FAM222A: variants seen among roughly 807,000 people sequenced by gnomAD.
FAM222A encodes protein FAM222A.
A neutral mutation model predicts 25.8 loss-of-function variants in FAM222A; 7 were observed. That is an observed-to-expected ratio of 0.27 (90% CI 0.15 to 0.51). The LOEUF is 0.51. FAM222A is among the 20% of genes least tolerant of loss of function. The probability of loss-of-function intolerance (pLI) is 0.97; values close to 1 mark genes in which losing one functional copy is unlikely to be tolerated. For synonymous variants in FAM222A, 294 were observed against 298.8 expected (o/e 0.98, Z 0.17); for missense variants, 573 against 640.5 (o/e 0.89, Z 1.14).
chr12:109,751,116 T>G (rs1381313317), intron 2 of FAM222A, among the ~76,000 whole-genome samples: 1 of 152,200 alleles, frequency 6.6e-6, no homozygotes, highest in Non-Finnish European at 1.5e-5. Flanking sequence ...TTTTTCTGAT[T>G]AGACCTTTCT....
chr12:109,753,671 A>G (rs1195066239), intron 2 of FAM222A, among the ~76,000 whole-genome samples: 1 of 152,046 alleles, frequency 6.6e-6, no homozygotes, highest in Non-Finnish European at 1.5e-5. Context: ...GTCCAAGAGG[A>G]TCAGGGAGCA....
chr12:109,768,833 G>C lies in FAM222A; in HGVS notation c.904G>C (p.Ala302Pro). Residue 302 changes from alanine (A) to proline (P), a missense_variant, in exon 3 of 3, where the codon GCC becomes CCC. Around this residue, in one of 3 missense-constraint regions of FAM222A, gnomAD observed 412 missense variants for 407.0 expected, o/e 1.01. Coordinates refer to ENST00000538780, the MANE Select transcript of FAM222A (RefSeq NM_032829.3). ...CCCACCGCCGCCCCAGCCACTGCGT[G>C]CCTACAGTGGGAGCACGGTGGCCAG... is the stretch of plus-strand genomic sequence containing the variant. ...PPPPPPQPLR[A>P]YSGSTVASKS... The C allele has an allele frequency of 6.3e-7, 1 of 1,579,750 alleles. No individual in the cohort carries two copies. The highest frequency in any genetic ancestry group is 8.5e-7 in the Non-Finnish European group (1 of 1,169,660).
intron 2 of FAM222A, among the ~76,000 whole-genome samples, chr12:109,755,002 T>C (rs963941400): frequency 6.6e-6 from 1 of 152,114 alleles, no homozygotes; most frequent in Non-Finnish European, 1.5e-5. Context: ...ATTTGTCTTT[T>C]TATTAAGTTG....
intron 1 of FAM222A, among the ~76,000 whole-genome samples, chr12:109,720,699 A>T (rs529201520): frequency 6.6e-6 from 1 of 152,364 alleles, no homozygotes; most frequent in Admixed American, 6.5e-5. Context: ...TCCCTGCCAG[A>T]TGCTGGGGAC....
At chr12:109,744,817 A>C in intron 2 of FAM222A, 1 of 979,260 alleles carries the variant, frequency 1.0e-6, no homozygotes, top group Non-Finnish European at 1.2e-6. Context: ...ATGGATTTCT[A>C]CTATCTCTTG....
At chr12:109,743,730 A>G (rs1029518483) in intron 1 of FAM222A, among the ~76,000 whole-genome samples, 2 of 152,002 alleles carry the variant, frequency 1.3e-5, no homozygotes, top group Non-Finnish European at 1.5e-5. Flanking sequence ...ACTTGCTTAC[A>G]GGGGGCCACC....
chr12:109,767,956 G>A (rs1592803693), intron 2 of FAM222A, 56 bp from the exon 3 acceptor site: 5 of 1,550,488 alleles, frequency 3.2e-6, no homozygotes, highest in Non-Finnish European at 4.4e-6. Flanking sequence ...TGAGCCCTGT[G>A]GGGAGAGGTT....
At chr12:109,754,969 C>T (rs1003734492) in intron 2 of FAM222A, among the ~76,000 whole-genome samples, 1 of 152,158 alleles carries the variant, frequency 6.6e-6, no homozygotes, top group Non-Finnish European at 1.5e-5. Flanking sequence ...CTGCGTCTAG[C>T]CTGTCCATTT....
chr12:109,730,373 A>G (rs1887923805), intron 1 of FAM222A, among the ~76,000 whole-genome samples: 1 of 137,002 alleles, frequency 7.3e-6, no homozygotes, highest in East Asian at 2.5e-4. Flanking sequence ...GTGGCTGCCT[A>G]CAAGGTACTA....
intron 1 of FAM222A, among the ~76,000 whole-genome samples, chr12:109,727,442 C>T (rs547591206): frequency 6.6e-6 from 1 of 152,204 alleles, no homozygotes; most frequent in South Asian, 2.1e-4. Context: ...GCTCTGCCTC[C>T]TTCTCTGACT....
Position 109,766,930 on chromosome 12 carries a change from C to G in FAM222A, c.83-1082C>G, listed in dbSNP as rs1889067405. ...TATTTTTTTGAGACAAGGTCTTGCTCTATCGGCCAGGCTGGAATGCAATGG... is the reference window on the plus strand; with the variant it reads ...TATTTTTTTGAGACAAGGTCTTGCTGTATCGGCCAGGCTGGAATGCAATGG... On this transcript the variant is annotated intron_variant, in intron 2 of 2. Coordinates refer to ENST00000538780, the MANE Select transcript of FAM222A (RefSeq NM_032829.3). Among the ~76,000 whole-genome samples, 4 of 152,092 alleles carry G rather than the reference C, an allele frequency of 2.6e-5. No individual in the cohort carries two copies. In the South Asian group the frequency reaches 8.3e-4, roughly 31 times the overall value.
intron 1 of FAM222A, among the ~76,000 whole-genome samples, chr12:109,737,250 G>C (rs1469844912): frequency 6.6e-6 from 1 of 152,074 alleles, no homozygotes; most frequent in Non-Finnish European, 1.5e-5. Context: ...GCAGGTGAGA[G>C]TCTTGTGCAG....
chr12:109,732,852 C>G (rs1410170879), intron 1 of FAM222A, among the ~76,000 whole-genome samples: 1 of 152,258 alleles, frequency 6.6e-6, no homozygotes, highest in Non-Finnish European at 1.5e-5. Context: ...ACCTCCGTCC[C>G]TGACCATCTG....
At chr12:109,761,805 G>A (rs886216733) in intron 2 of FAM222A, among the ~76,000 whole-genome samples, 14 of 152,090 alleles carry the variant, frequency 9.2e-5, no homozygotes, top group Non-Finnish European at 1.8e-4. Flanking sequence ...GCAGCCTGGG[G>A]GGTCGTAGGA....
intron 1 of FAM222A, among the ~76,000 whole-genome samples, chr12:109,727,307 G>A (rs1051260225): frequency 2.6e-5 from 4 of 152,120 alleles, no homozygotes; most frequent in Admixed American, 1.3e-4. Flanking sequence ...AGGCCCTTTT[G>A]TGTGCCTCTC....
intron 2 of FAM222A, among the ~76,000 whole-genome samples, chr12:109,755,555 C>T (rs984896267): frequency 6.6e-6 from 1 of 152,008 alleles, no homozygotes; most frequent in Non-Finnish European, 1.5e-5. Flanking sequence ...CTCAAACCCA[C>T]GACCTCCGGT....
At chr12:109,738,391 C>G (rs533534669) in intron 1 of FAM222A, among the ~76,000 whole-genome samples, 2 of 152,350 alleles carry the variant, frequency 1.3e-5, no homozygotes, top group African/African-American at 4.8e-5. Flanking sequence ...TCCCCGGGCC[C>G]TGGGCCTCTC....
intron 1 of FAM222A, among the ~76,000 whole-genome samples, chr12:109,718,679 G>T (rs1238093282): frequency 6.6e-6 from 1 of 152,250 alleles, no homozygotes; most frequent in Non-Finnish European, 1.5e-5. Flanking sequence ...GAGGAGGGCT[G>T]CGGTGCCGGC....
intron 1 of FAM222A, among the ~76,000 whole-genome samples, chr12:109,727,285 G>C (rs1414885065): frequency 6.6e-6 from 1 of 152,128 alleles, no homozygotes; most frequent in Non-Finnish European, 1.5e-5. Context: ...CAAATGCTCA[G>C]AGCGGGAATA....
Sources: allele counts gnomAD v4.1 joint callset (sites outside exome capture counted in the v4.1 genomes callset), GRCh38; gene constraint gnomAD v4.1.1; regional missense constraint gnomAD v4.1.1; transcripts MANE v1.5; gene names NCBI Gene and HGNC (gene_info 2026-07-23, HGNC 2026-07-21).